NOM1: variants seen among roughly 807,000 people sequenced by gnomAD.
The protein encoded by NOM1 is nucleolar MIF4G domain-containing protein 1.
In NOM1, 58 loss-of-function variants were observed where a neutral mutation model predicts 73.3. That is an observed-to-expected ratio of 0.79 (90% CI 0.64 to 0.99). NOM1 has a LOEUF of 0.99. Ranked by LOEUF, NOM1 falls within the 50% of genes least tolerant of loss-of-function variation. The pLI is 0.00. For missense variants in NOM1, 1,226 were observed against 1,131.9 expected, an observed-to-expected ratio of 1.08 and a Z score of -1.19; for synonymous variants, 487 against 446.8, an observed-to-expected ratio of 1.09 and a Z score of -1.14.
chr7:156,961,818 T>G (rs922865723), intron 4 of NOM1, among the ~76,000 whole-genome samples: 2 of 150,636 alleles, frequency 1.3e-5, no homozygotes, highest in Non-Finnish European at 3.0e-5. Context: ...GGGGCCAGGG[T>G]GGGAGCAGGA....
intron 6 of NOM1, 144 bp from the exon 7 acceptor site, chr7:156,963,761 C>T (rs1296848907): frequency 1.8e-5 from 15 of 812,602 alleles, no homozygotes; most frequent in South Asian, 4.1e-5. Flanking sequence ...CACAGAGGGG[C>T]GTTGCCCGAG....
At chr7:156,961,682 C>T (rs962586474) in intron 4 of NOM1, among the ~76,000 whole-genome samples, 4 of 152,122 alleles carry the variant, frequency 2.6e-5, no homozygotes, top group Admixed American at 2.0e-4. Flanking sequence ...GGGGACATCT[C>T]AGAGGGTATG....
Position 156,959,946 on chromosome 7 carries a change from C to T in NOM1, c.1404C>T (p.Val468=), listed in dbSNP as rs770045687. ...AAGAGTGTGACAACCTGTTCACCGT[C>T]ATTGCCCATTTATACAACTTCCACG... ...EGKECDNLFT[V]IAHLYNFHVV... Residue 468 remains valine (V), a synonymous_variant, in exon 4 of 11, where the codon GTC becomes GTT. Transcript: ENST00000275820. 2 of 1,613,160 alleles carry T rather than the reference C, an allele frequency of 1.2e-6. No individual in the cohort carries two copies. Among genetic ancestry groups the T allele is most frequent in the South Asian group, 1.1e-5 (1 of 91,032 alleles).
chr7:156,961,836 A>G (rs1260490620), intron 4 of NOM1, among the ~76,000 whole-genome samples: 1 of 152,122 alleles, frequency 6.6e-6, no homozygotes, highest in African/African-American at 2.4e-5. Context: ...GGAGCGTAGT[A>G]GAGGCCGGGG....
Position 156,950,091 on chromosome 7 carries a change from A to G in NOM1, c.354A>G (p.Glu118=). 1 of 1,547,046 alleles carries G rather than the reference A, an allele frequency of 6.5e-7. No homozygotes were observed. The highest frequency in any genetic ancestry group is 8.7e-7 in the Non-Finnish European group (1 of 1,148,316). ...PGLGGRSGAE[E]ASGHRQDTEE... ...TGGGAGGCCGAAGCGGAGCCGAAGA[A>G]GCCAGCGGTCACCGGCAGGACACGG... Residue 118 remains glutamate, a synonymous_variant, in exon 1 of 11, where the codon GAA becomes GAG. Transcript: ENST00000275820.
chr7:156,963,336 T>G lies in NOM1; in HGVS notation c.1911+161T>G, dbSNP rs1049221063. 7.4e-5 allele frequency: 51 copies of G among 692,804 alleles called. No homozygotes were observed. In the East Asian group the frequency reaches 1.4e-3, roughly 19 times the overall value. The allele number at this position is 692,804 out of a possible 1,614,324, so 42.9% of individuals were successfully genotyped here. On this transcript the variant is annotated intron_variant, in intron 6 of 10. Transcript: ENST00000275820. ...ACAGAAATTGCTATTAATATTACAT[T>G]GTGATATAATTATTCCATTTCTGTT...
At chr7:156,958,741 T>C (rs1250936834) in intron 3 of NOM1, 1 of 152,314 alleles carries the variant, frequency 6.6e-6, no homozygotes, top group Non-Finnish European at 1.5e-5. Context: ...TAGGCCTTGC[T>C]TAGCTCCACC....
At position 156,963,906 on chromosome 7, in the gene NOM1, T is replaced by A. The variant is rs1190800937; in HGVS notation, c.1913T>A (p.Val638Asp). The A allele has an allele frequency of 6.2e-7, 1 of 1,613,240 alleles. No homozygotes were observed. The highest frequency in any genetic ancestry group is 2.2e-5 in the East Asian group (1 of 44,874). The stretch of plus-strand genomic sequence containing the variant: ...CTTGTCCATTCATCGTGCTTCCAGG[T>A]CAGTTCAAAGATCCTAGAACTCGCC... The part of the protein sequence containing the change: ...THLQKQLVGT[V>D]SSKILELARK... The change falls in exon 7 of 11, where the codon GTC becomes GAC. Residue 638 changes from valine to aspartate, a missense_variant and splice_region_variant. By Grantham distance (152) the Val-to-Asp change is radical. Transcript: ENST00000275820.
rs935227465 is a variant in NOM1, at chr7:156,971,297, C to G, written c.*1594C>G. 6.6e-6 allele frequency: 1 copy of G among 152,288 alleles called. No homozygotes were observed. The highest frequency in any genetic ancestry group is 1.5e-5 in the Non-Finnish European group (1 of 68,066). 9.4% of individuals were successfully genotyped at this position (152,288 alleles called of 1,614,324 possible). On this transcript the variant is annotated 3_prime_UTR_variant, in exon 11 of 11. Coordinates refer to ENST00000275820, the MANE Select transcript of NOM1 (RefSeq NM_138400.2). Reference sequence around the variant, plus strand: ...TCATCTGTCCAGCAGTCACCGTCCTCTTCAGAGTGGTCACGTTGGGCAGAT... The same window carrying G: ...TCATCTGTCCAGCAGTCACCGTCCTGTTCAGAGTGGTCACGTTGGGCAGAT...
Position 156,969,623 on chromosome 7 carries a change from G to T in NOM1, c.2503G>T (p.Ala835Ser), listed in dbSNP as rs376979508. ...LLKNAQAHRS[A>S]DEANVLREKA... The stretch of plus-strand genomic sequence containing the variant: ...AAAGAACGCACAGGCCCACAGAAGC[G>T]CCGACGAAGCCAACGTGCTGAGAGA... The change falls in exon 11 of 11, where the codon GCC becomes TCC. Residue 835 changes from alanine (A) to serine (S), a missense_variant. Ala to Ser is a moderately conservative substitution (Grantham distance 99, BLOSUM62 1). Transcript: ENST00000275820. 2 of 1,614,038 alleles carry T rather than the reference G, an allele frequency of 1.2e-6. No individual in the cohort carries two copies. Among genetic ancestry groups the T allele is most frequent in the African/African-American group, 1.3e-5 (1 of 75,006 alleles).
At chr7:156,958,126 T>TC (rs1373141136) in intron 3 of NOM1, among the ~76,000 whole-genome samples, 19 of 152,212 alleles carry the variant, frequency 1.2e-4, no homozygotes, top group Admixed American at 1.3e-4. Flanking sequence ...TCTGTGTACT[T>TC]CCCCATACAC....
At chr7:156,953,756 A>G (rs543933414) in intron 2 of NOM1, among the ~76,000 whole-genome samples, 2 of 152,318 alleles carry the variant, frequency 1.3e-5, no homozygotes, top group East Asian at 3.9e-4. Flanking sequence ...CATTTTTTCT[A>G]ACAACACGTC....
chr7:156,951,432 T>A (rs1203624178), intron 1 of NOM1, among the ~76,000 whole-genome samples: 3 of 152,140 alleles, frequency 2.0e-5, no homozygotes, highest in Admixed American at 1.3e-4. Flanking sequence ...AATCAAGGCA[T>A]TCATGGGCTG....
intron 3 of NOM1, among the ~76,000 whole-genome samples, chr7:156,955,119 C>G (rs1804689074): frequency 6.6e-6 from 1 of 152,130 alleles, no homozygotes; most frequent in South Asian, 2.1e-4. Context: ...CATCTGGCAC[C>G]CGACAGGTGC....
At chr7:156,955,792 G>A (rs1054964182) in intron 3 of NOM1, among the ~76,000 whole-genome samples, 9 of 152,308 alleles carry the variant, frequency 5.9e-5, no homozygotes, top group African/African-American at 2.2e-4. Context: ...CTACTGCAAT[G>A]CTAGTCACAT....
chr7:156,952,776 CGA>C (rs1436966157), intron 2 of NOM1, among the ~76,000 whole-genome samples, 178 bp downstream of exon 2: 1 of 151,686 alleles, frequency 6.6e-6, no homozygotes, highest in Non-Finnish European at 1.5e-5. Flanking sequence ...AGAGGATACC[CGA>C]CTGTTGGCTA....
At chr7:156,952,673 C>A in intron 2 of NOM1, 75 bp downstream of exon 2, 2 of 1,497,246 alleles carry the variant, frequency 1.3e-6, no homozygotes, top group Admixed American at 1.9e-5. Context: ...ATTATCCCAG[C>A]AATTCAAATA....
In NOM1 at chr7:156,972,549, A is replaced by G. The variant is rs7786691; in HGVS notation, c.*2846A>G. 78,750 of 152,234 alleles carry G rather than the reference A, an allele frequency of 0.52. 20,752 individuals are homozygous for G. Among genetic ancestry groups the G allele is most frequent in the Middle Eastern group, 0.63 (184 of 294 alleles). The allele number at this position is 152,234 out of a possible 1,614,324, so 9.4% of individuals were successfully genotyped here. On this transcript the variant is annotated 3_prime_UTR_variant, in exon 11 of 11. Coordinates refer to ENST00000275820, the MANE Select transcript of NOM1 (RefSeq NM_138400.2). ...AAGTCTGTTCATTTTAACAACATAC[A>G]GGGCTGGGCACGGTGGCTCACGCCT... is the stretch of plus-strand genomic sequence containing the variant.
intron 1 of NOM1, among the ~76,000 whole-genome samples, chr7:156,951,107 G>A (rs1034182036): frequency 3.9e-5 from 6 of 152,130 alleles, no homozygotes; most frequent in African/African-American, 1.4e-4. Flanking sequence ...AAAACTCGAA[G>A]CTAATTTACA....
Sources: gnomAD v4.1 joint callset for allele counts (sites outside exome capture counted in the v4.1 genomes callset) on GRCh38, gnomAD v4.1.1 for gene constraint, MANE v1.5 for transcripts, NCBI Gene and HGNC (gene_info 2026-07-23, HGNC 2026-07-21) for gene names.